The following STS variants were observed in gnomAD, a reference collection of about 807,000 sequenced individuals.
STS encodes steryl-sulfatase.
In STS, 7 loss-of-function variants were observed where a neutral mutation model predicts 26.8. The observed-to-expected ratio is 0.26, with a 90% CI of 0.15 to 0.49. STS has a LOEUF of 0.49. Ranked by LOEUF, STS falls within the 20% of genes least tolerant of loss-of-function variation. The pLI is 0.98. For synonymous variants in STS, 199 were observed against 189.4 expected, an observed-to-expected ratio of 1.05 and a Z score of -0.42; for missense variants, 434 against 465.6, an observed-to-expected ratio of 0.93 and a Z score of 0.63.
intron 2 of STS, among the ~76,000 whole-genome samples, chrX:7,211,607 G>C (rs1430848573): frequency 8.9e-6 from 1 of 112,167 alleles, no homozygotes; most frequent in Non-Finnish European, 1.9e-5. Context: ...CTTGCCCCTT[G>C]TAGAAAGTTG....
At chrX:7,303,500 G>A (rs935053292) in intron 7 of STS, among the ~76,000 whole-genome samples, 19 of 110,917 alleles carry the variant, frequency 1.7e-4, no homozygotes, top group Non-Finnish European at 3.4e-4. Context: ...ACCTCCCACC[G>A]GCGGTGAAGG....
chrX:7,310,775 TC>T (rs752514855), intron 8 of STS, among the ~76,000 whole-genome samples: 1 of 111,269 alleles, frequency 9.0e-6, no homozygotes, highest in East Asian at 2.9e-4. Context: ...GTCATCCAAA[TC>T]CAGGACGTCA....
intron 2 of STS, among the ~76,000 whole-genome samples, chrX:7,239,212 G>A (rs767718746): frequency 1.8e-5 from 2 of 111,631 alleles, no homozygotes; most frequent in South Asian, 7.5e-4. Flanking sequence ...AGTCTGTTTA[G>A]ACACAATTTC....
intron 2 of STS, among the ~76,000 whole-genome samples, chrX:7,202,245 G>A (rs1343597861): frequency 1.8e-5 from 2 of 111,404 alleles, no homozygotes; most frequent in African/African-American, 6.5e-5. Context: ...TGATATGATG[G>A]TTTGTGTTTT....
intron 2 of STS, among the ~76,000 whole-genome samples, chrX:7,252,762 C>A (rs1282450437): frequency 4.5e-5 from 5 of 111,596 alleles, no homozygotes; most frequent in Non-Finnish European, 7.5e-5. Context: ...TGGATGAATT[C>A]TCTTCCCTCT....
chrX:7,175,179 TAAA>T (rs143220502), intron 1 of STS, among the ~76,000 whole-genome samples: 39 of 42,084 alleles, frequency 9.3e-4, no homozygotes, highest in African/African-American at 3.1e-3. Flanking sequence ...TCTGAGCTGG[TAAA>T]AAAAAAAAAA....
chrX:7,237,621 G>T (rs1478347616), intron 2 of STS, among the ~76,000 whole-genome samples: 1 of 112,191 alleles, frequency 8.9e-6, no homozygotes, highest in East Asian at 2.8e-4. Context: ...CAGATAACTA[G>T]TAAAGCATTA....
chrX:7,304,662 C>T (rs1362711056), intron 7 of STS, among the ~76,000 whole-genome samples: 2 of 112,123 alleles, frequency 1.8e-5, no homozygotes, highest in Non-Finnish European at 3.8e-5. Context: ...TGATAGACTT[C>T]TTTATAGCCT....
chrX:7,154,914 C>T (rs1428653938), intron 1 of STS, among the ~76,000 whole-genome samples: 2 of 112,316 alleles, frequency 1.8e-5, no homozygotes, highest in East Asian at 2.8e-4. Context: ...GGCATGTCAG[C>T]GATAACGTGG....
chrX:7,157,392 T>G (rs1401117982), intron 1 of STS, among the ~76,000 whole-genome samples: 3 of 111,322 alleles, frequency 2.7e-5, no homozygotes, highest in African/African-American at 9.8e-5. Context: ...GAGGCCCAAG[T>G]ATGAAGACAT....
At chrX:7,316,956 T>C (rs1382576256) in intron 8 of STS, among the ~76,000 whole-genome samples, 1 of 112,094 alleles carries the variant, frequency 8.9e-6, no homozygotes, top group Non-Finnish European at 1.9e-5. Context: ...AGATCAAGCA[T>C]AAGAATGACT....
intron 7 of STS, among the ~76,000 whole-genome samples, chrX:7,298,968 TTTATA>T (rs1164742178): frequency 1.0e-5 from 1 of 99,436 alleles, no homozygotes; most frequent in Non-Finnish European, 2.0e-5. Flanking sequence ...ACACCTATGT[TTTATA>T]TTATATATTA....
intron 7 of STS, among the ~76,000 whole-genome samples, chrX:7,284,536 A>C (rs1291431707): frequency 8.9e-6 from 1 of 112,822 alleles, no homozygotes; most frequent in Non-Finnish European, 1.9e-5. Context: ...AGAAAAGCAA[A>C]TGTATCCCCT....
Position 7,291,194 on chromosome X carries a change from G to T in STS, c.944-13852G>T, listed in dbSNP as rs140415170. Among the ~76,000 whole-genome samples, 95 of 111,605 alleles carry T rather than the reference G, an allele frequency of 8.5e-4. 1 individual carries two copies. The East Asian group carries it at 0.022, about 26-fold the overall frequency. ...AGTCACTTCTCCAACAAGCCTCGTG[G>T]AGTAGAAATTCAGGATTGCTCACAG... On this transcript the variant is annotated intron_variant, in intron 7 of 10. Coordinates refer to ENST00000674429, the MANE Select transcript of STS (RefSeq NM_001320752.2).
chrX:7,259,476 C>G lies in STS; in HGVS notation c.510C>G (p.Gly170=), dbSNP rs144195721. 1.7e-6 allele frequency: 2 copies of G among 1,211,711 alleles called. No homozygotes were observed. The highest frequency in any genetic ancestry group is 2.2e-6 in the Non-Finnish European group (2 of 895,400). ...TNLRDCKPGE[G]SVFTTGFKRL... ...TGAGAGACTGCAAGCCCGGAGAGGG[C>G]AGTGTCTTCACCACGGGCTTCAAGA... The change falls in exon 6 of 11, where the codon GGC becomes GGG. Residue 170 remains glycine, a synonymous_variant. Coordinates refer to ENST00000674429, the MANE Select transcript of STS (RefSeq NM_001320752.2).
chrX:7,231,541 A>G (rs747950675), intron 2 of STS, among the ~76,000 whole-genome samples: 2 of 111,241 alleles, frequency 1.8e-5, no homozygotes, highest in African/African-American at 6.5e-5. Flanking sequence ...AAGGCAGGTA[A>G]GTTATAAGTC....
At chrX:7,167,527 T>C (rs1933377049) in intron 1 of STS, among the ~76,000 whole-genome samples, 1 of 111,962 alleles carries the variant, frequency 8.9e-6, no homozygotes, top group Admixed American at 9.5e-5. Context: ...AAGTTGTTGA[T>C]AGAGTTTTGT....
intron 2 of STS, among the ~76,000 whole-genome samples, chrX:7,203,346 C>G (rs952104872): frequency 1.1e-5 from 1 of 91,802 alleles, no homozygotes; most frequent in Admixed American, 1.1e-4. Flanking sequence ...ACAAATTTCT[C>G]TAAAAAAAGG....
chrX:7,259,107 TG>T (rs1727828356), intron 5 of STS, among the ~76,000 whole-genome samples: 1 of 111,723 alleles, frequency 9.0e-6, no homozygotes, highest in Non-Finnish European at 1.9e-5. Context: ...AGATTTTGTT[TG>T]TTTTTTTGTT....
Sources: allele counts gnomAD v4.1 joint callset (sites outside exome capture counted in the v4.1 genomes callset), GRCh38; gene constraint gnomAD v4.1.1; transcripts MANE v1.5; gene names NCBI Gene and HGNC (gene_info 2026-07-23, HGNC 2026-07-21).